The following CLEC1A variants were observed in gnomAD, a reference collection of about 807,000 sequenced individuals.
The protein encoded by CLEC1A is C-type lectin-like receptor-1.
Under a neutral mutation model 28.7 loss-of-function variants are expected in CLEC1A, and 34 were observed. The observed-to-expected ratio is 1.18, with a 90% CI of 0.90 to 1.57. The LOEUF is 1.57. Ranked by LOEUF, CLEC1A falls within the 40% of genes most tolerant of loss-of-function variation. CLEC1A has a pLI of 0.00. For missense variants in CLEC1A, 385 were observed against 339.5 expected (o/e 1.13, Z -1.05); for synonymous variants, 116 against 121.0 (o/e 0.96, Z 0.27).
At chr12:10,078,193 G>T (rs1265769730) in intron 3 of CLEC1A, among the ~76,000 whole-genome samples, 1 of 152,012 alleles carries the variant, frequency 6.6e-6, no homozygotes, top group South Asian at 2.1e-4. Flanking sequence ...AAAAACTTAT[G>T]CCAGATCATG....
At chr12:10,084,055 C>T (rs1168691209) in intron 2 of CLEC1A, 3 of 151,942 alleles carry the variant, frequency 2.0e-5, no homozygotes, top group Non-Finnish European at 4.4e-5. Flanking sequence ...TAGTAAATGG[C>T]CAAACCTAAG....
At position 10,089,171 on chromosome 12, in the gene CLEC1A, G is replaced by C. The variant is rs543252583; in HGVS notation, c.167C>G (p.Thr56Ser). 6.2e-6 allele frequency: 10 copies of C among 1,614,092 alleles called. No homozygotes were observed. The highest frequency in any genetic ancestry group is 8.5e-6 in the Non-Finnish European group (10 of 1,179,972). ...TWRPVALTLL[T>S]LCLVLLIGLA... ...CCCTATCAGCAGCACCAAGCACAAAGTCAGCAGGGTCAGGGCCACTGGTCG... is the reference window on the plus strand; with the variant it reads ...CCCTATCAGCAGCACCAAGCACAAACTCAGCAGGGTCAGGGCCACTGGTCG... Residue 56 changes from threonine (T) to serine (S), a missense_variant, in exon 2 of 6, where the codon ACT (threonine) becomes AGT (serine). Transcript: ENST00000315330.
intron 3 of CLEC1A, among the ~76,000 whole-genome samples, chr12:10,078,668 C>T (rs2137338721): frequency 6.6e-6 from 1 of 152,206 alleles, no homozygotes; most frequent in East Asian, 1.9e-4. Flanking sequence ...ACTTTTAGTA[C>T]TAAAATAAGG....
rs367859107 is a variant in CLEC1A, at chr12:10,098,975, C to T, written c.-53G>A. On this transcript the variant is annotated 5_prime_UTR_variant, in exon 1 of 6. Transcript: ENST00000315330. ...ATGTGGTCGGATTGCCCTGGGCCGC[C>T]GGGCTACTGTGAGCTAGTTCAGGAA... The T allele has an allele frequency of 5.2e-5, 69 of 1,331,190 alleles. No homozygotes were observed. In the South Asian group the frequency reaches 5.8e-4, roughly 11 times the overall value. The allele number at this position is 1,331,190 out of a possible 1,614,324, so 82.5% of individuals were successfully genotyped here. A position where few individuals can be genotyped will look rare whatever the true frequency, so the allele number is the denominator to read the frequency against.
chr12:10,095,957 G>T (rs1047349319), intron 1 of CLEC1A, among the ~76,000 whole-genome samples: 13 of 152,002 alleles, frequency 8.6e-5, no homozygotes, highest in African/African-American at 2.9e-4. Context: ...TTATCTCCTT[G>T]ACACTCTCTT....
At chr12:10,089,347 G>A (rs2137363517) in intron 1 of CLEC1A, 125 bp from the exon 2 acceptor site, 2 of 719,014 alleles carry the variant, frequency 2.8e-6, no homozygotes, top group South Asian at 1.7e-5. Flanking sequence ...CGGTAACAGG[G>A]GCTGGATAAC....
chr12:10,097,373 T>C (rs1252214525), intron 1 of CLEC1A, among the ~76,000 whole-genome samples: 1 of 152,210 alleles, frequency 6.6e-6, no homozygotes, highest in Non-Finnish European at 1.5e-5. Flanking sequence ...TCAGCGAAGG[T>C]ATATCAGATA....
At chr12:10,088,568 C>T (rs1866549667) in intron 2 of CLEC1A, among the ~76,000 whole-genome samples, 1 of 152,020 alleles carries the variant, frequency 6.6e-6, no homozygotes, top group African/African-American at 2.4e-5. Flanking sequence ...CTTTTTTAAG[C>T]TTTTTAACTT....
intron 3 of CLEC1A, among the ~76,000 whole-genome samples, chr12:10,079,741 C>T (rs991863314): frequency 6.6e-6 from 1 of 151,772 alleles, no homozygotes; most frequent in African/African-American, 2.4e-5. Flanking sequence ...ATCACTTGAA[C>T]CCAGGAGATG....
chr12:10,096,132 C>T (rs527930288), intron 1 of CLEC1A, among the ~76,000 whole-genome samples: 75 of 152,210 alleles, frequency 4.9e-4, no homozygotes, highest in African/African-American at 1.7e-3. Context: ...TGTAGCCCAA[C>T]CCACATCCTG....
chr12:10,084,321 T>C (rs926106496), intron 2 of CLEC1A: 3 of 152,304 alleles, frequency 2.0e-5, no homozygotes, highest in South Asian at 2.1e-4. Flanking sequence ...AGCTGTGCAC[T>C]GGGTCGAAGA....
intron 3 of CLEC1A, among the ~76,000 whole-genome samples, chr12:10,076,151 G>T (rs1043447910): frequency 1.3e-5 from 2 of 152,164 alleles, no homozygotes; most frequent in Non-Finnish European, 2.9e-5. Flanking sequence ...TTAGAATGCT[G>T]AATCTCCATG....
Position 10,071,484 on chromosome 12 carries a change from G to A in CLEC1A, c.692C>T (p.Pro231Leu). The A allele has an allele frequency of 6.2e-7, 1 of 1,611,264 alleles. No individual in the cohort carries two copies. The highest frequency in any genetic ancestry group is 2.2e-5 in the East Asian group (1 of 44,762). ...GATGGCCACACAGTCTCTGCTTCTT[G>A]GGCTGGTGACATCTATTATAATATG... ...LFHIIIDVTS[P>L]RSRDCVAILN... Residue 231 changes from proline to leucine, a missense_variant, in exon 6 of 6, where the codon CCA becomes CTA. Transcript: ENST00000315330.
intron 2 of CLEC1A, among the ~76,000 whole-genome samples, chr12:10,082,109 C>T (rs1866385382): frequency 6.6e-6 from 1 of 152,128 alleles, no homozygotes; most frequent in South Asian, 2.1e-4. Flanking sequence ...AAAGAAGCTT[C>T]CAAATGAATT....
chr12:10,079,402 A>T (rs1451750577), intron 3 of CLEC1A, among the ~76,000 whole-genome samples: 4 of 152,252 alleles, frequency 2.6e-5, no homozygotes, highest in African/African-American at 4.8e-5. Context: ...ATATATTTGC[A>T]TTTAGATTTT....
At position 10,098,802 on chromosome 12, in the gene CLEC1A, GGGTACCTGTGCGCC is replaced by G. The variant is rs1947811158; in HGVS notation, c.107_115+5del. ...TGGTCTATTTGGACTCCAGGAGACA[GGGTACCTGTGCGCC>G]GGGGCTCTGGATGCCGAGTTGTGGC... On this transcript the variant is annotated splice_donor_variant and splice_donor_5th_base_variant and coding_sequence_variant and intron_variant, in exon 1 of 6. Coordinates refer to ENST00000315330, the MANE Select transcript of CLEC1A (RefSeq NM_016511.4). LOFTEE classifies it high-confidence loss of function. The G allele has an allele frequency of 3.7e-6, 6 of 1,603,314 alleles. No homozygotes were observed. In the Admixed American group the frequency reaches 6.7e-5, roughly 18 times the overall value.
At position 10,077,087 on chromosome 12, in the gene CLEC1A, A is replaced by G. The variant is rs74911105; in HGVS notation, c.392-1432T>C. 5.5e-3 allele frequency among the ~76,000 whole-genome samples: 836 copies of G among 152,288 alleles called. 8 individuals are homozygous for G. The highest frequency in any genetic ancestry group is 0.019 in the African/African-American group (784 of 41,556). On this transcript the variant is annotated intron_variant, in intron 3 of 5. Transcript: ENST00000315330. ...AGGGGAATTAATAGAGAAATTTTCA[A>G]TGAATGTTTAGGAGGAAGCAAGGGA... is the stretch of plus-strand genomic sequence containing the variant.
In CLEC1A at chr12:10,087,769, C is replaced by T. The variant is rs1056823712; in HGVS notation, c.214+1355G>A. On this transcript the variant is annotated intron_variant, in intron 2 of 5. Coordinates refer to ENST00000315330, the MANE Select transcript of CLEC1A (RefSeq NM_016511.4). ...AACTCCTGACCTCAAGCGATTCGCCCGCCTCAGCCTCCCAAAGTGCTGGAA... is the reference window on the plus strand; with the variant it reads ...AACTCCTGACCTCAAGCGATTCGCCTGCCTCAGCCTCCCAAAGTGCTGGAA... Among the ~76,000 whole-genome samples, 8 of 150,826 alleles carry T rather than the reference C, an allele frequency of 5.3e-5. No individual in the cohort carries two copies. The East Asian group carries it at 5.8e-4, about 11-fold the overall frequency.
At position 10,081,257 on chromosome 12, in the gene CLEC1A, T is replaced by A. The variant is rs1866362749; in HGVS notation, c.371A>T (p.Glu124Val). ...CTTACCTCCAGCTTTGTTATACAGCTCACGACAGAGTTTTTCAGCCACATG... is the reference window on the plus strand; with the variant it reads ...CTTACCTCCAGCTTTGTTATACAGCACACGACAGAGTTTTTCAGCCACATG... ...LQHVAEKLCR[E>V]LYNKAGAHRC... Residue 124 changes from glutamate (E) to valine (V), a missense_variant, in exon 3 of 6, where the codon GAG (glutamate) becomes GTG (valine). Transcript: ENST00000315330. 2 of 1,607,344 alleles carry A rather than the reference T, an allele frequency of 1.2e-6. No homozygotes were observed. Among genetic ancestry groups the A allele is most frequent in the Non-Finnish European group, 1.7e-6 (2 of 1,176,462 alleles).
Sources: gnomAD v4.1 joint callset for allele counts (sites outside exome capture counted in the v4.1 genomes callset) on GRCh38, gnomAD v4.1.1 for gene constraint, MANE v1.5 for transcripts, NCBI Gene and HGNC (gene_info 2026-07-23, HGNC 2026-07-21) for gene names.